The following PHF2 variants were observed in gnomAD, a reference collection of about 807,000 sequenced individuals.
PHF2 encodes the protein PHD finger protein 2.
Under a neutral mutation model 120.5 loss-of-function variants are expected in PHF2, and 27 were observed. The observed-to-expected ratio is 0.22, with a 90% CI of 0.17 to 0.31. PHF2 has a LOEUF of 0.31. PHF2 is among the 10% of genes least tolerant of loss of function. The probability of loss-of-function intolerance (pLI) is 1.00; values close to 1 mark genes in which losing one functional copy is unlikely to be tolerated. For synonymous variants in PHF2, 568 were observed against 592.5 expected (o/e 0.96, Z 0.60); for missense variants, 1,024 against 1,434.8 (o/e 0.71, Z 4.63).
In PHF2 at chr9:93,656,173, A is replaced by ATG; in HGVS notation, c.1040+155_1040+156dup. On this transcript the variant is annotated intron_variant, in intron 8 of 21. Transcript: ENST00000359246. The surrounding 1 kb of genome is among the most constrained non-coding windows in gnomAD (Gnocchi z 4.1). ...GTCAGCCTCGGTGGGCCTCTTTGTG[A>ATG]TGTGGAGGGAAGGAGGAGGTGGGCC... The ATG allele has an allele frequency of 1.5e-6, 1 of 652,940 alleles. No individual in the cohort carries two copies. The highest frequency in any genetic ancestry group is 2.7e-6 in the Non-Finnish European group (1 of 371,390). 40.4% of individuals were successfully genotyped at this position (652,940 alleles called of 1,614,324 possible). A position where few individuals can be genotyped will look rare whatever the true frequency, so the allele number is the denominator to read the frequency against.
At chr9:93,624,137 A>G (rs190744679) in intron 1 of PHF2, among the ~76,000 whole-genome samples, 14 of 152,384 alleles carry the variant, frequency 9.2e-5, no homozygotes, top group Non-Finnish European at 2.1e-4. Flanking sequence ...TGTGGTAAAT[A>G]AGGCTAATAA....
At chr9:93,622,951 C>T (rs563807535) in intron 1 of PHF2, among the ~76,000 whole-genome samples, 92 of 152,274 alleles carry the variant, frequency 6.0e-4, no homozygotes, top group Non-Finnish European at 1.0e-3. Context: ...GTGTGATGGG[C>T]CATGTGTGTG....
intron 5 of PHF2, among the ~76,000 whole-genome samples, chr9:93,651,617 C>A (rs954196411): frequency 6.6e-6 from 1 of 152,152 alleles, no homozygotes; most frequent in East Asian, 1.9e-4. Flanking sequence ...GACCAATGTA[C>A]CCCCAGACCG....
At chr9:93,633,761 A>G (rs1826046123) in intron 2 of PHF2, among the ~76,000 whole-genome samples, 1 of 152,126 alleles carries the variant, frequency 6.6e-6, no homozygotes, top group South Asian at 2.1e-4. Flanking sequence ...GCGTCCTTGG[A>G]CAGGAGTGCA....
intron 1 of PHF2, among the ~76,000 whole-genome samples, chr9:93,619,189 C>G (rs1205060113): frequency 6.6e-6 from 1 of 152,144 alleles, no homozygotes; most frequent in African/African-American, 2.4e-5. Context: ...TACCCTTTCC[C>G]TCAGTGTGCC....
At chr9:93,605,618 G>A (rs76025942) in intron 1 of PHF2, among the ~76,000 whole-genome samples, 10,899 of 152,134 alleles carry the variant, frequency 0.072, 520 homozygotes, top group Non-Finnish European at 0.097. Context: ...TACTGTCTCC[G>A]TAGCTTTGCC....
chr9:93,614,854 ATGATGGTGATGATGGTGACAG>A (rs1235244050), intron 1 of PHF2, among the ~76,000 whole-genome samples: 1 of 63,388 alleles, frequency 1.6e-5, no homozygotes, highest in Non-Finnish European at 4.1e-5. Context: ...GATAGTAATG[ATGATGGTGATGATGGTGACAG>A]TGATGGTGAT....
chr9:93,598,186 C>T (rs1825368529), intron 1 of PHF2, among the ~76,000 whole-genome samples: 1 of 152,250 alleles, frequency 6.6e-6, no homozygotes, highest in Non-Finnish European at 1.5e-5. Flanking sequence ...TTGAGAAGTC[C>T]AGATGCCTCT....
chr9:93,638,367 G>A lies in PHF2; in HGVS notation c.299+1842G>A, dbSNP rs1826124655. ...CCATTGCCAAATCCAAAGTCATGAA[G>A]ATTTATTGATATATTTTCTTCTAAG... On this transcript the variant is annotated intron_variant, in intron 3 of 21. Coordinates refer to ENST00000359246, the MANE Select transcript of PHF2 (RefSeq NM_005392.4). Among the ~76,000 whole-genome samples, 3 of 152,156 alleles carry A rather than the reference G, an allele frequency of 2.0e-5. No homozygotes were observed. The South Asian group carries it at 6.2e-4, about 31-fold the overall frequency.
At chr9:93,669,880 G>C (rs1291488666) in intron 17 of PHF2, among the ~76,000 whole-genome samples, 2 of 152,206 alleles carry the variant, frequency 1.3e-5, no homozygotes, top group Non-Finnish European at 2.9e-5. Flanking sequence ...GGGTGCCTCA[G>C]TCTCTGTGTC....
intron 2 of PHF2, among the ~76,000 whole-genome samples, chr9:93,632,106 A>G (rs1336319465): frequency 6.6e-6 from 1 of 152,084 alleles, no homozygotes; most frequent in African/African-American, 2.4e-5. Flanking sequence ...CTGCCATGGG[A>G]GCCCTGTGTG....
intron 14 of PHF2, among the ~76,000 whole-genome samples, chr9:93,665,424 C>T (rs565975474): frequency 2.8e-4 from 43 of 152,342 alleles, no homozygotes; most frequent in African/African-American, 9.9e-4. Flanking sequence ...GGAGTGTCCC[C>T]TCCTGTGGGC....
chr9:93,595,130 GC>G (rs1362999493), intron 1 of PHF2, among the ~76,000 whole-genome samples: 8 of 152,156 alleles, frequency 5.3e-5, no homozygotes, highest in African/African-American at 1.9e-4. Flanking sequence ...ACTTACAGAT[GC>G]TAAATGATTA....
intron 7 of PHF2, 124 bp downstream of exon 7, chr9:93,654,699 C>A (rs1430527695): frequency 6.4e-6 from 6 of 931,670 alleles, no homozygotes; most frequent in Non-Finnish European, 6.8e-6. Context: ...CATGCCTGCT[C>A]CCTTGTCCTG....
At chr9:93,653,158 A>G (rs769272244) in intron 5 of PHF2, 21 bp from the exon 6 acceptor site, 1 of 1,610,608 alleles carries the variant, frequency 6.2e-7, no homozygotes, top group Non-Finnish European at 8.5e-7. Context: ...TTCCCTCACC[A>G]CCTTCCTCTC....
chr9:93,621,949 A>G (rs1825833852), intron 1 of PHF2, among the ~76,000 whole-genome samples: 1 of 151,884 alleles, frequency 6.6e-6, no homozygotes, highest in Non-Finnish European at 1.5e-5. Flanking sequence ...TGGTGCACCA[A>G]CCCCTGGACT....
intron 3 of PHF2, among the ~76,000 whole-genome samples, chr9:93,637,160 T>C (rs2398853): frequency 0.68 from 102,652 of 152,044 alleles, 35,470 homozygotes; most frequent in African/African-American, 0.79. Flanking sequence ...CCTAAGTTGG[T>C]GGGTTTTTTT....
chr9:93,592,584 C>T (rs1825248696), intron 1 of PHF2, among the ~76,000 whole-genome samples: 1 of 152,138 alleles, frequency 6.6e-6, no homozygotes, highest in African/African-American at 2.4e-5. Flanking sequence ...CTTGGTGAGT[C>T]TCTGTCGCTC....
chr9:93,653,121 A>C, intron 5 of PHF2, 58 bp from the exon 6 acceptor site: 1 of 1,505,084 alleles, frequency 6.6e-7, no homozygotes. Flanking sequence ...TTCCCACTGC[A>C]GGGGAAATAA....
Sources: gnomAD v4.1 joint callset for allele counts (sites outside exome capture counted in the v4.1 genomes callset) on GRCh38, gnomAD v4.1.1 for gene constraint, Gnocchi (gnomAD v3.1) non-coding constraint, MANE v1.5 for transcripts, NCBI Gene and HGNC (gene_info 2026-07-23, HGNC 2026-07-21) for gene names.